The following TECRL variants were observed in gnomAD, a reference collection of about 807,000 sequenced individuals.
The protein encoded by TECRL is trans-2,3-enoyl-CoA reductase like.
TECRL carries 63 observed loss-of-function variants against 52.8 expected under a neutral mutation model. That is an observed-to-expected ratio of 1.19 (90% CI 0.97 to 1.47). The LOEUF (loss-of-function observed/expected upper bound fraction) is 1.47. Among genes scored for constraint, TECRL ranks in the 40% most tolerant of loss-of-function variants. The pLI, the probability that TECRL is intolerant of heterozygous loss-of-function variation, is 0.00. For synonymous variants in TECRL, 164 were observed against 141.9 expected (o/e 1.16, Z -1.10); for missense variants, 482 against 429.6 (o/e 1.12, Z -1.08).
chr4:64,285,182 C>A (rs933686350), intron 9 of TECRL, among the ~76,000 whole-genome samples: 1 of 152,074 alleles, frequency 6.6e-6, no homozygotes, highest in Non-Finnish European at 1.5e-5. Flanking sequence ...ATGGTCTTCA[C>A]TAAAGGGAAC....
At chr4:64,290,399 G>A (rs1195089194) in intron 8 of TECRL, among the ~76,000 whole-genome samples, 1 of 152,134 alleles carries the variant, frequency 6.6e-6, no homozygotes, top group African/African-American at 2.4e-5. Context: ...GTGAGGGTAA[G>A]ACCTTTCCTT....
chr4:64,329,695 C>A (rs898256980), intron 2 of TECRL, among the ~76,000 whole-genome samples: 12 of 151,758 alleles, frequency 7.9e-5, no homozygotes, highest in African/African-American at 2.9e-4. Context: ...AGCTCCGTGA[C>A]TTTCTATAGC....
intron 1 of TECRL, chr4:64,397,592 A>G (rs1005733500): frequency 6.6e-6 from 1 of 151,794 alleles, no homozygotes; most frequent in African/African-American, 2.4e-5. Flanking sequence ...TGAACCAGGA[A>G]GCTGGCCCTG....
intron 2 of TECRL, among the ~76,000 whole-genome samples, chr4:64,345,907 C>A (rs1171832032): frequency 9.0e-4 from 21 of 23,338 alleles, no homozygotes; most frequent in South Asian, 4.6e-3. Context: ...GCCTCAACAG[C>A]AAAAAAAAAA....
In TECRL at chr4:64,375,200, A is replaced by G. The variant is rs758886658; in HGVS notation, c.258T>C (p.His86=). 8 of 1,406,078 alleles carry G rather than the reference A, an allele frequency of 5.7e-6. No individual in the cohort carries two copies. Among genetic ancestry groups the G allele is most frequent in the African/African-American group, 4.6e-5 (3 of 65,380 alleles). The allele number at this position is 1,406,078 out of a possible 1,614,324, so 87.1% of individuals were successfully genotyped here. A position where few individuals can be genotyped will look rare whatever the true frequency, so the allele number is the denominator to read the frequency against. ...LDKVTQSSTI[H]DVKQKFHKAC... is the part of the protein sequence containing the mutation. ...CTTTGTGAAACTTTTGCTTAACATC[A>G]TGAATAGTAGATGATTGTGTCACCT... Residue 86 remains histidine (H), a synonymous_variant, in exon 2 of 12, where the codon CAT becomes CAC. Coordinates refer to ENST00000381210, the MANE Select transcript of TECRL (RefSeq NM_001010874.5).
chr4:64,294,520 A>G (rs957296447), intron 8 of TECRL, among the ~76,000 whole-genome samples: 4 of 152,136 alleles, frequency 2.6e-5, no homozygotes, highest in Non-Finnish European at 5.9e-5. Context: ...ATAGGTACCG[A>G]CGAAGAAACA....
At chr4:64,308,088 C>T (rs1216927570) in intron 6 of TECRL, among the ~76,000 whole-genome samples, 4 of 152,200 alleles carry the variant, frequency 2.6e-5, no homozygotes, top group Non-Finnish European at 4.4e-5. Context: ...CACCTAATGG[C>T]AGTTAGGGTT....
chr4:64,328,887 A>C (rs1470697932), intron 2 of TECRL, among the ~76,000 whole-genome samples: 2 of 152,020 alleles, frequency 1.3e-5, no homozygotes, highest in Non-Finnish European at 2.9e-5. Context: ...TTTTTCATCA[A>C]TAAAAAGCTT....
rs1284246401 is a variant in TECRL at position 64,393,270 on chromosome 4, T to C, written c.234+15848A>G. On this transcript the variant is annotated intron_variant, in intron 1 of 11. Transcript: ENST00000381210. ...GCAAAAAAGGACATGCATCACTTAG[T>C]TTTACATTTTCTTATTTGCAAAACA... 2.6e-5 allele frequency among the ~76,000 whole-genome samples: 4 copies of C among 152,002 alleles called. No homozygotes were observed. In the East Asian group the frequency reaches 7.7e-4, roughly 29 times the overall value.
At chr4:64,286,682 T>A (rs2109937807) in intron 9 of TECRL, among the ~76,000 whole-genome samples, 1 of 152,080 alleles carries the variant, frequency 6.6e-6, no homozygotes, top group Non-Finnish European at 1.5e-5. Flanking sequence ...AAAAAAACCA[T>A]CATTTGACAA....
At chr4:64,289,803 C>T (rs1258853190) in intron 8 of TECRL, 36 bp from the exon 9 acceptor site, 7 of 1,379,822 alleles carry the variant, frequency 5.1e-6, no homozygotes, top group African/African-American at 3.0e-5. Context: ...GTGTGATACA[C>T]CTCTGCCTAT....
intron 2 of TECRL, among the ~76,000 whole-genome samples, chr4:64,337,758 C>T (rs1719218469): frequency 6.6e-6 from 1 of 152,248 alleles, no homozygotes; most frequent in East Asian, 1.9e-4. Context: ...CTACAAACCA[C>T]TGCTCAATGA....
At chr4:64,310,057 A>C (rs1724580871) in intron 5 of TECRL, 126 bp from the exon 6 acceptor site, 1 of 561,118 alleles carries the variant, frequency 1.8e-6, no homozygotes, top group Admixed American at 3.8e-5. Context: ...TCTGGTAGCT[A>C]AAACACAAAT....
rs1722796859 is a variant in TECRL at position 64,281,022 on chromosome 4, C to T, written c.964+19G>A. Reference sequence around the variant, plus strand: ...AGATGCATTTATTTTGATTAATTATCAGTATATCTAGGTCTTACCTGGCAG... The same window carrying T: ...AGATGCATTTATTTTGATTAATTATTAGTATATCTAGGTCTTACCTGGCAG... On this transcript the variant is annotated intron_variant, in intron 11 of 11. Transcript: ENST00000381210. 1.3e-6 allele frequency: 2 copies of T among 1,560,032 alleles called. No homozygotes were observed. Among genetic ancestry groups the T allele is most frequent in the South Asian group, 1.2e-5 (1 of 84,270 alleles).
intron 9 of TECRL, among the ~76,000 whole-genome samples, chr4:64,288,973 T>C (rs927712825): frequency 6.6e-6 from 1 of 152,120 alleles, no homozygotes; most frequent in Non-Finnish European, 1.5e-5. Flanking sequence ...CTACCACTTC[T>C]TCAAGCATCT....
At chr4:64,370,122 A>T (rs1721881151) in intron 2 of TECRL, among the ~76,000 whole-genome samples, 1 of 152,054 alleles carries the variant, frequency 6.6e-6, no homozygotes, top group East Asian at 1.9e-4. Flanking sequence ...TTTGCATAAG[A>T]GACAATTTAA....
intron 1 of TECRL, among the ~76,000 whole-genome samples, chr4:64,408,095 A>T (rs1724847415): frequency 6.6e-6 from 1 of 151,746 alleles, no homozygotes; most frequent in Non-Finnish European, 1.5e-5. Flanking sequence ...TATGAATTAA[A>T]GTTAATATAA....
At chr4:64,315,186 C>T (rs78774127) in intron 4 of TECRL, among the ~76,000 whole-genome samples, 5,908 of 152,022 alleles carry the variant, frequency 0.039, 375 homozygotes, top group African/African-American at 0.14. Flanking sequence ...CTACCCTACC[C>T]TCCATGGGCC....
At chr4:64,325,080 A>G (rs1718164274) in intron 3 of TECRL, among the ~76,000 whole-genome samples, 1 of 152,178 alleles carries the variant, frequency 6.6e-6, no homozygotes, top group African/African-American at 2.4e-5. Context: ...GGGAAGATTC[A>G]CTGTGCTATT....
Sources: allele counts gnomAD v4.1 joint callset (sites outside exome capture counted in the v4.1 genomes callset), GRCh38; gene constraint gnomAD v4.1.1; transcripts MANE v1.5; gene names NCBI Gene and HGNC (gene_info 2026-07-23, HGNC 2026-07-21).